SCNN1B: variants seen among roughly 807,000 people sequenced by gnomAD.
SCNN1B encodes sodium channel epithelial 1 subunit beta.
Under a neutral mutation model 65.3 loss-of-function variants are expected in SCNN1B, and 46 were observed. That is an observed-to-expected ratio of 0.70 (90% CI 0.56 to 0.90). The LOEUF (loss-of-function observed/expected upper bound fraction) is 0.90, where lower values mean the gene tolerates loss of function less well. Ranked by LOEUF, SCNN1B falls within the 40% of genes least tolerant of loss-of-function variation. SCNN1B has a pLI of 0.00. For synonymous variants in SCNN1B, 349 were observed against 330.6 expected (o/e 1.06, Z -0.60); for missense variants, 751 against 830.5 (o/e 0.90, Z 1.18).
intron 1 of SCNN1B, among the ~76,000 whole-genome samples, chr16:23,305,123 C>G (rs1291276103): frequency 6.6e-6 from 1 of 151,996 alleles, no homozygotes; most frequent in Admixed American, 6.6e-5. Flanking sequence ...GAGAGCCAAG[C>G]CCAGCTTACT....
chr16:23,278,800 C>T (rs961262352), intron 1 of SCNN1B, among the ~76,000 whole-genome samples: 1 of 151,884 alleles, frequency 6.6e-6, no homozygotes, highest in African/African-American at 2.4e-5. Context: ...ATTAGCCCAG[C>T]TTGATTGCAT....
intron 1 of SCNN1B, among the ~76,000 whole-genome samples, chr16:23,320,067 C>T (rs1001645419): frequency 2.1e-4 from 32 of 152,246 alleles, no homozygotes; most frequent in African/African-American, 7.0e-4. Context: ...TGTTAACATG[C>T]GCATGAGTCA....
In SCNN1B at chr16:23,296,230, TG is replaced by T. The variant is rs1444876896; in HGVS notation, n.178+12432del. 2.6e-5 allele frequency among the ~76,000 whole-genome samples: 4 copies of T among 151,476 alleles called. No homozygotes were observed. The East Asian group carries it at 5.8e-4, about 22-fold the overall frequency. ...AGGCTGGGTATGGGACTCAGGGAGG[TG>T]GGGGGCGCCACGGGGATCCAGAGAA... On this transcript the variant is annotated intron_variant and non_coding_transcript_variant, in intron 2 of 3. Transcript: ENST00000569789.
chr16:23,307,731 C>A (rs1206526236), intron 1 of SCNN1B, among the ~76,000 whole-genome samples: 1 of 152,156 alleles, frequency 6.6e-6, no homozygotes. Context: ...GTAGTCCCCC[C>A]ACCAGCAGCA....
At chr16:23,325,163 C>T (rs1415372718) in intron 1 of SCNN1B, among the ~76,000 whole-genome samples, 1 of 152,178 alleles carries the variant, frequency 6.6e-6, no homozygotes, top group Admixed American at 6.5e-5. Flanking sequence ...CAGGACAGGT[C>T]CAGAAATTAT....
intron 1 of SCNN1B, among the ~76,000 whole-genome samples, chr16:23,317,001 A>C (rs7205052): frequency 0.34 from 51,238 of 152,150 alleles, 10,212 homozygotes; most frequent in African/African-American, 0.56. Flanking sequence ...AGACCCAAGA[A>C]GCAGCCCACA....
At chr16:23,377,456 G>C in intron 10 of SCNN1B, 70 bp downstream of exon 10, 1 of 1,494,076 alleles carries the variant, frequency 6.7e-7, no homozygotes, top group Non-Finnish European at 9.3e-7. Context: ...ATAAGATGTG[G>C]GCTATTTGGA....
chr16:23,330,736 C>T (rs938271825), intron 1 of SCNN1B, among the ~76,000 whole-genome samples: 5 of 152,124 alleles, frequency 3.3e-5, no homozygotes, highest in Admixed American at 3.3e-4. Context: ...CCACACCTGG[C>T]TAATTTGTAA....
At position 23,378,625 on chromosome 16, in the gene SCNN1B, C is replaced by T. The variant is rs72654345; in HGVS notation, c.1405-81C>T. ...CCTCAGGAAGGGACAGGGCTGTGGT[C>T]TACCTCCCCCAGGGAACAGAGCCAT... is the stretch of plus-strand genomic sequence containing the variant. On this transcript the variant is annotated intron_variant, in intron 10 of 12. Coordinates refer to ENST00000343070, the MANE Select transcript of SCNN1B (RefSeq NM_000336.3). The T allele has an allele frequency of 1.7e-3, 2,197 of 1,330,824 alleles. 3 individuals are homozygous for T. The highest frequency in any genetic ancestry group is 2.2e-3 in the Non-Finnish European group (2,027 of 923,092). The allele number at this position is 1,330,824 out of a possible 1,614,324, so 82.4% of individuals were successfully genotyped here.
intron 4 of SCNN1B, among the ~76,000 whole-genome samples, chr16:23,360,104 G>A (rs1567311241): frequency 6.6e-6 from 1 of 152,050 alleles, no homozygotes; most frequent in East Asian, 1.9e-4. Flanking sequence ...TCGGGAGGCT[G>A]AGGTAGGAGG....
At chr16:23,379,675 T>A (rs904613566) in intron 11 of SCNN1B, among the ~76,000 whole-genome samples, 3 of 152,158 alleles carry the variant, frequency 2.0e-5, no homozygotes, top group Non-Finnish European at 2.9e-5. Context: ...TCACTCCGTA[T>A]AGCCCAGGCC....
At chr16:23,313,455 G>C (rs1961386260) in intron 1 of SCNN1B, among the ~76,000 whole-genome samples, 1 of 152,136 alleles carries the variant, frequency 6.6e-6, no homozygotes, top group Admixed American at 6.6e-5. Context: ...ACCTTGTCTG[G>C]GAACCCCGTT....
At chr16:23,372,065 AG>A (rs1439283829) in intron 7 of SCNN1B, 182 bp downstream of exon 7, 1 of 659,640 alleles carries the variant, frequency 1.5e-6, no homozygotes, top group Non-Finnish European at 2.8e-6. Context: ...ACCAGGGCCT[AG>A]GGTTGGCCAC....
At chr16:23,319,917 G>A (rs1455702470) in intron 1 of SCNN1B, among the ~76,000 whole-genome samples, 2 of 152,068 alleles carry the variant, frequency 1.3e-5, no homozygotes, top group Admixed American at 1.3e-4. Flanking sequence ...ACAGGTGCAC[G>A]CCACCACGTC....
chr16:23,348,577 C>G lies in SCNN1B; in HGVS notation c.-8-15C>G. The G allele has an allele frequency of 6.2e-7, 1 of 1,611,652 alleles. No individual in the cohort carries two copies. Among genetic ancestry groups the G allele is most frequent in the Non-Finnish European group, 8.5e-7 (1 of 1,179,638 alleles). On this transcript the variant is annotated splice_polypyrimidine_tract_variant and intron_variant, in intron 1 of 12. Coordinates refer to ENST00000343070, the MANE Select transcript of SCNN1B (RefSeq NM_000336.3). The surrounding 1 kb of genome is among the most constrained non-coding windows in gnomAD (Gnocchi z 4.5). ...TGGTGTCCCAGCTGATGTGCGTCCC[C>G]ATGCCTCTCTGCAGGTGCCACTATG...
At chr16:23,357,800 T>C (rs919055049) in intron 4 of SCNN1B, among the ~76,000 whole-genome samples, 2 of 152,202 alleles carry the variant, frequency 1.3e-5, no homozygotes, top group African/African-American at 2.4e-5. Context: ...GGTCACAGTC[T>C]GTGTTTCAGC....
chr16:23,347,346 G>A (rs956832963), intron 1 of SCNN1B, among the ~76,000 whole-genome samples: 6 of 151,954 alleles, frequency 3.9e-5, no homozygotes, highest in Admixed American at 6.6e-5. Flanking sequence ...GTGCATCGCC[G>A]AATTTCCTCC....
chr16:23,304,512 C>G (rs975467637), intron 1 of SCNN1B, among the ~76,000 whole-genome samples: 12 of 152,214 alleles, frequency 7.9e-5, no homozygotes, highest in Admixed American at 3.3e-4. Context: ...GGCAGAGGTT[C>G]CATCGGGGCC....
At chr16:23,379,813 T>C (rs547111003) in intron 11 of SCNN1B, among the ~76,000 whole-genome samples, 2 of 152,268 alleles carry the variant, frequency 1.3e-5, no homozygotes, top group African/African-American at 2.4e-5. Context: ...TGGGCAGAGA[T>C]GCCCAGAAGG....
Sources: allele counts gnomAD v4.1 joint callset (sites outside exome capture counted in the v4.1 genomes callset), GRCh38; gene constraint gnomAD v4.1.1; non-coding constraint Gnocchi (gnomAD v3.1); transcripts MANE v1.5; gene names NCBI Gene and HGNC (gene_info 2026-07-23, HGNC 2026-07-21).